The following SMAD3 variants were observed in gnomAD, a reference collection of about 807,000 sequenced individuals.
SMAD3 encodes the protein MAD homolog 3.
In SMAD3, 12 loss-of-function variants were observed where a neutral mutation model predicts 51.8. The observed-to-expected ratio is 0.23, with a 90% CI of 0.15 to 0.38. The LOEUF is 0.38. SMAD3 is among the 10% of genes least tolerant of loss of function. The pLI is 1.00. For synonymous variants in SMAD3, 238 were observed against 227.7 expected (o/e 1.05, Z -0.41); for missense variants, 294 against 565.6 (o/e 0.52, Z 4.87).
At chr15:67,069,244 C>T (rs1049378098) in intron 1 of SMAD3, among the ~76,000 whole-genome samples, 1 of 152,182 alleles carries the variant, frequency 6.6e-6, no homozygotes, top group Non-Finnish European at 1.5e-5. Context: ...GAGATTGGTG[C>T]CAAGGAAGTG....
chr15:67,083,818 C>T (rs574938464), intron 1 of SMAD3, among the ~76,000 whole-genome samples: 68 of 152,234 alleles, frequency 4.5e-4, no homozygotes, highest in African/African-American at 1.6e-3. Context: ...ACTGGAGCCC[C>T]CAGGTTCTAA....
intron 1 of SMAD3, among the ~76,000 whole-genome samples, chr15:67,108,162 G>A (rs1006622949): frequency 1.2e-4 from 19 of 152,112 alleles, no homozygotes; most frequent in East Asian, 1.9e-4. Context: ...CGGGGGCTCC[G>A]GTAAGAAGCT....
intron 5 of SMAD3, among the ~76,000 whole-genome samples, chr15:67,171,671 T>C (rs1250459183): frequency 6.6e-6 from 1 of 152,206 alleles, no homozygotes; most frequent in Non-Finnish European, 1.5e-5. Context: ...AACTCATCAT[T>C]TGGAATATTA....
At chr15:67,163,943 G>GAAAA (rs1962499006) in intron 1 of SMAD3, among the ~76,000 whole-genome samples, 1 of 30,270 alleles carries the variant, frequency 3.3e-5, no homozygotes, top group African/African-American at 1.6e-4. Context: ...TGTATCAAAA[G>GAAAA]TAAAAAAAAA....
intron 1 of SMAD3, among the ~76,000 whole-genome samples, chr15:67,133,046 T>C (rs1297664071): frequency 6.6e-6 from 1 of 152,200 alleles, no homozygotes; most frequent in Non-Finnish European, 1.5e-5. Context: ...TTGTCACTCC[T>C]CTTTAAACAC....
In SMAD3 at chr15:67,170,615, C is replaced by A. The variant is rs765564728; in HGVS notation, c.658+11C>A. On this transcript the variant is annotated intron_variant, in intron 5 of 8. Transcript: ENST00000327367. ...CACATAATAACTTGGGTGAGTATCT[C>A]CTTGTGCACACAACTGGAACCCCCT... 1 of 1,612,282 alleles carries A rather than the reference C, an allele frequency of 6.2e-7. No homozygotes were observed. The highest frequency in any genetic ancestry group is 8.5e-7 in the Non-Finnish European group (1 of 1,178,342).
intron 1 of SMAD3, among the ~76,000 whole-genome samples, chr15:67,084,809 G>A (rs1324926798): frequency 1.3e-5 from 2 of 152,144 alleles, no homozygotes; most frequent in African/African-American, 4.8e-5. Flanking sequence ...CATTCCAACC[G>A]TAGTGCCATA....
chr15:67,068,118 G>A (rs549207529), intron 1 of SMAD3, among the ~76,000 whole-genome samples: 25 of 152,304 alleles, frequency 1.6e-4, no homozygotes, highest in African/African-American at 6.0e-4. Flanking sequence ...AAAAAAGACA[G>A]AAAGCAAGCA....
intron 1 of SMAD3, among the ~76,000 whole-genome samples, chr15:67,086,408 T>A (rs1257124216): frequency 1.3e-5 from 2 of 152,168 alleles, no homozygotes; most frequent in African/African-American, 4.8e-5. Context: ...GGGACACATC[T>A]CTCTGCATTA....
chr15:67,072,362 T>C (rs118172617), intron 1 of SMAD3, among the ~76,000 whole-genome samples: 3 of 152,346 alleles, frequency 2.0e-5, no homozygotes, highest in Non-Finnish European at 4.4e-5. Flanking sequence ...TGGAATCAGC[T>C]TTCATTCCTG....
Position 67,099,062 on chromosome 15 carries a change from G to A in SMAD3, c.206+32702G>A, listed in dbSNP as rs779484277. 37 of 696,976 alleles carry A rather than the reference G, an allele frequency of 5.3e-5. 1 individual carries two copies. Among genetic ancestry groups the A allele is most frequent in the East Asian group, 4.0e-4 (15 of 37,164 alleles). 43.2% of individuals were successfully genotyped at this position (696,976 alleles called of 1,614,324 possible). A position where few individuals can be genotyped will look rare whatever the true frequency, so the allele number is the denominator to read the frequency against. Reference sequence around the variant, plus strand: ...GATAATTCTCCTTTCTGTGGTTGCCGCCCTGTTGATTCATGTGTCAGCCTT... The same window carrying A: ...GATAATTCTCCTTTCTGTGGTTGCCACCCTGTTGATTCATGTGTCAGCCTT... On this transcript the variant is annotated intron_variant, in intron 1 of 8. Coordinates refer to ENST00000327367, the MANE Select transcript of SMAD3 (RefSeq NM_005902.4).
At chr15:67,156,237 G>T (rs1277168390) in intron 1 of SMAD3, among the ~76,000 whole-genome samples, 4 of 152,192 alleles carry the variant, frequency 2.6e-5, no homozygotes, top group African/African-American at 9.7e-5. Context: ...GAAATGTAAA[G>T]ATACAGAATA....
intron 5 of SMAD3, among the ~76,000 whole-genome samples, chr15:67,173,157 C>T (rs2140304007): frequency 6.6e-6 from 1 of 152,282 alleles, no homozygotes; most frequent in Middle Eastern, 3.4e-3. Flanking sequence ...CAGGCGTCTC[C>T]TCTGTATCCA....
chr15:67,104,476 C>G (rs1033930447), intron 1 of SMAD3, among the ~76,000 whole-genome samples: 4 of 152,270 alleles, frequency 2.6e-5, no homozygotes, highest in Non-Finnish European at 4.4e-5. Context: ...CTCATTATCC[C>G]TGAGTCCAGG....
At chr15:67,104,191 G>A (rs1960826032) in intron 1 of SMAD3, among the ~76,000 whole-genome samples, 1 of 152,088 alleles carries the variant, frequency 6.6e-6, no homozygotes, top group Admixed American at 6.6e-5. Flanking sequence ...CCCACCAGGA[G>A]TGGGTATATT....
intron 5 of SMAD3, among the ~76,000 whole-genome samples, chr15:67,174,076 G>A (rs1404350611): frequency 6.6e-6 from 1 of 152,222 alleles, no homozygotes; most frequent in Non-Finnish European, 1.5e-5. Context: ...CCATAGCGGG[G>A]CCTGAGAGAA....
At chr15:67,098,740 G>C (rs1211823146) in intron 1 of SMAD3, 2 of 624,158 alleles carry the variant, frequency 3.2e-6, no homozygotes, top group African/African-American at 1.8e-5. Flanking sequence ...GCTTGCTTTG[G>C]TTGTGGAGGC....
chr15:67,120,034 C>A (rs1159418416), intron 1 of SMAD3, among the ~76,000 whole-genome samples: 1 of 152,184 alleles, frequency 6.6e-6, no homozygotes, highest in Non-Finnish European at 1.5e-5. Context: ...TGAGCTCAAG[C>A]GATCTGCCCA....
At chr15:67,108,009 T>C (rs1960920432) in intron 1 of SMAD3, among the ~76,000 whole-genome samples, 1 of 123,346 alleles carries the variant, frequency 8.1e-6, no homozygotes, top group African/African-American at 3.1e-5. Flanking sequence ...CCCAGGGTGA[T>C]CTTTCTAAAG....
Sources: allele counts gnomAD v4.1 joint callset (sites outside exome capture counted in the v4.1 genomes callset), GRCh38; gene constraint gnomAD v4.1.1; transcripts MANE v1.5; gene names NCBI Gene and HGNC (gene_info 2026-07-23, HGNC 2026-07-21).